NACC2: variants seen among roughly 807,000 people sequenced by gnomAD.
NACC2 encodes the protein NACC family member 2, also known as nucleus accumbens-associated protein 2.
In NACC2, 8 loss-of-function variants were observed where a neutral mutation model predicts 25.1. The ratio of observed to expected loss-of-function variants is 0.32; its 90% confidence interval spans 0.19 to 0.57. NACC2 has a LOEUF of 0.57. Ranked by LOEUF, NACC2 falls within the 20% of genes least tolerant of loss-of-function variation. The pLI is 0.89. For synonymous variants in NACC2, 435 were observed against 294.7 expected, an observed-to-expected ratio of 1.48 and a Z score of -4.88; for missense variants, 644 against 650.2, an observed-to-expected ratio of 0.99 and a Z score of 0.10.
In NACC2 at chr9:136,008,290, A is replaced by G. The variant is rs1157898367; in HGVS notation, c.*3226T>C. 6.6e-6 allele frequency: 1 copy of G among 152,120 alleles called. No individual in the cohort carries two copies. The highest frequency in any genetic ancestry group is 2.4e-5 in the African/African-American group (1 of 41,416). 9.4% of individuals were successfully genotyped at this position (152,120 alleles called of 1,614,324 possible). A position where few individuals can be genotyped will look rare whatever the true frequency, so the allele number is the denominator to read the frequency against. On this transcript the variant is annotated 3_prime_UTR_variant, in exon 6 of 6. Transcript: ENST00000277554. The stretch of plus-strand genomic sequence containing the variant: ...GGTCCCTCCTGGACCTCTCCATGCA[A>G]CCCAGCTGCCTCCTGGGCCCATCCC...
intron 1 of NACC2, among the ~76,000 whole-genome samples, chr9:136,051,291 ACCCAGGTT>A (rs1315429963): frequency 1.3e-5 from 2 of 152,004 alleles, no homozygotes; most frequent in African/African-American, 4.8e-5. Flanking sequence ...CTCGGACCAG[ACCCAGGTT>A]CCCAAGCCGC....
In NACC2 at chr9:136,093,781, G is replaced by A. The variant is rs552001007; in HGVS notation, c.-60+1408C>T. On this transcript the variant is annotated intron_variant, in intron 1 of 5. Transcript: ENST00000277554. The stretch of plus-strand genomic sequence containing the variant: ...CAGAGGACCAGAGGGGTGCTCCAAC[G>A]GTGGCCGGGAGAAGAAGGGGTGGGT... Among the ~76,000 whole-genome samples the A allele has an allele frequency of 9.2e-5, 14 of 152,134 alleles. No homozygotes were observed. The East Asian group carries it at 2.1e-3, about 23-fold the overall frequency.
Position 136,013,165 on chromosome 9 carries a change from G to GGCCCCCCCCCCC in NACC2, c.1255+33_1255+34insGGGGGGGGGGGC. ...AGGCTGGGATCTGAACCCAGCCCCG[G>GGCCCCCCCCCCC]CCCCACCCACCCGAGAGACCCCCAG... On this transcript the variant is annotated intron_variant, in intron 5 of 5. Transcript: ENST00000277554. The surrounding 1 kb of genome is among the most constrained non-coding windows in gnomAD (Gnocchi z 6.6). The GGCCCCCCCCCCC allele has an allele frequency of 1.4e-6, 1 of 706,964 alleles. No individual in the cohort carries two copies. The highest frequency in any genetic ancestry group is 3.0e-5 in the East Asian group (1 of 32,936). 43.8% of individuals were successfully genotyped at this position (706,964 alleles called of 1,614,324 possible). A position where few individuals can be genotyped will look rare whatever the true frequency, so the allele number is the denominator to read the frequency against.
intron 1 of NACC2, among the ~76,000 whole-genome samples, chr9:136,066,479 TATAATCAAAAAG>T (rs1327049492): frequency 1.3e-5 from 2 of 152,154 alleles, no homozygotes; most frequent in Non-Finnish European, 2.9e-5. Flanking sequence ...CTAGGATGGC[TATAATCAAAAAG>T]ACAGAAAACA....
intron 1 of NACC2, among the ~76,000 whole-genome samples, chr9:136,087,419 AC>A (rs1431603865): frequency 2.0e-5 from 3 of 151,970 alleles, no homozygotes; most frequent in African/African-American, 7.3e-5. Flanking sequence ...GCAAATAGAC[AC>A]CCTGCCCTCC....
At chr9:136,066,966 T>A (rs1181930899) in intron 1 of NACC2, among the ~76,000 whole-genome samples, 13 of 150,454 alleles carry the variant, frequency 8.6e-5, no homozygotes, top group Non-Finnish European at 1.6e-4. Context: ...AAAAAAAAGA[T>A]TTAGCTGGAC....
chr9:136,079,104 A>G (rs552306544), intron 1 of NACC2, among the ~76,000 whole-genome samples: 1 of 151,654 alleles, frequency 6.6e-6, no homozygotes, highest in Non-Finnish European at 1.5e-5. Context: ...AGGGCACGTA[A>G]CCTGAAATCT....
chr9:136,088,640 A>G (rs4842110), intron 1 of NACC2, among the ~76,000 whole-genome samples: 133,247 of 152,256 alleles, frequency 0.88, 59,516 homozygotes, highest in South Asian at 0.99. Context: ...CGATGGCCTC[A>G]TTGAGGCCCC....
rs1343658378 is a variant in NACC2 at position 136,051,147 on chromosome 9, A to G, written c.-59-567T>C. Among the ~76,000 whole-genome samples the G allele has an allele frequency of 1.3e-5, 2 of 152,234 alleles. 1 individual carries two copies. Among genetic ancestry groups the G allele is most frequent in the South Asian group, 4.1e-4 (2 of 4,832 alleles). ...CGGGGAAGGCGGGCCAGCGTCCCCT[A>G]GTCCCCCTGAGCCTCCCGGGCAGGT... On this transcript the variant is annotated intron_variant, in intron 1 of 5. Coordinates refer to ENST00000277554, the MANE Select transcript of NACC2 (RefSeq NM_144653.5).
chr9:136,044,180 C>T (rs979546862), intron 2 of NACC2, among the ~76,000 whole-genome samples: 92 of 152,166 alleles, frequency 6.0e-4, no homozygotes, highest in Non-Finnish European at 1.2e-3. Flanking sequence ...ATGGCCTAGA[C>T]GGGCCACACC....
intron 1 of NACC2, among the ~76,000 whole-genome samples, chr9:136,057,056 C>T (rs928661919): frequency 6.6e-6 from 1 of 152,170 alleles, no homozygotes; most frequent in Non-Finnish European, 1.5e-5. Flanking sequence ...GCCAGTACCT[C>T]GAGGGAGGGC....
intron 2 of NACC2, among the ~76,000 whole-genome samples, chr9:136,023,120 A>AG (rs1840323546): frequency 2.7e-5 from 1 of 37,394 alleles, no homozygotes. Flanking sequence ...AGGGAGGGGG[A>AG]GGAGGGAGGG....
At chr9:136,031,112 C>T (rs1397419437) in intron 2 of NACC2, among the ~76,000 whole-genome samples, 1 of 152,142 alleles carries the variant, frequency 6.6e-6, no homozygotes, top group Non-Finnish European at 1.5e-5. Flanking sequence ...GAACTCCAGA[C>T]CAAAATGACT....
chr9:136,031,487 G>A (rs1011695962), intron 2 of NACC2, among the ~76,000 whole-genome samples: 18 of 152,086 alleles, frequency 1.2e-4, no homozygotes, highest in Middle Eastern at 3.2e-3. Flanking sequence ...ACAGGTGTGC[G>A]CCACCACACC....
intron 1 of NACC2, among the ~76,000 whole-genome samples, chr9:136,051,357 C>G (rs950254844): frequency 6.6e-6 from 1 of 152,196 alleles, no homozygotes; most frequent in South Asian, 2.1e-4. Context: ...CTCGCGGACG[C>G]CCCCCACCCC....
At chr9:136,036,403 A>T (rs1476817773) in intron 2 of NACC2, among the ~76,000 whole-genome samples, 1 of 152,234 alleles carries the variant, frequency 6.6e-6, no homozygotes, top group East Asian at 1.9e-4. Context: ...TAAGGAGAAG[A>T]AAAATCAGTA....
At chr9:136,039,893 TC>T (rs1343296562) in intron 2 of NACC2, among the ~76,000 whole-genome samples, 2 of 151,416 alleles carry the variant, frequency 1.3e-5, no homozygotes, top group African/African-American at 4.9e-5. Context: ...GGAGTGGAGA[TC>T]CAGAAATACA....
At chr9:136,073,917 T>C (rs1259256136) in intron 1 of NACC2, among the ~76,000 whole-genome samples, 1 of 152,188 alleles carries the variant, frequency 6.6e-6, no homozygotes, top group African/African-American at 2.4e-5. Context: ...GCGGTGATCC[T>C]TCCCTCTGCC....
In NACC2 at chr9:136,006,666, T is replaced by G. The variant is rs1840016105; in HGVS notation, c.*4850A>C. 1 of 152,260 alleles carries G rather than the reference T, an allele frequency of 6.6e-6. No homozygotes were observed. Among genetic ancestry groups the G allele is most frequent in the African/African-American group, 2.4e-5 (1 of 41,474 alleles). 9.4% of individuals were successfully genotyped at this position (152,260 alleles called of 1,614,324 possible). On this transcript the variant is annotated 3_prime_UTR_variant, in exon 6 of 6. Transcript: ENST00000277554. ...ACGGCTCTGAGCACGCTTGAAGCCCTCGGTTTCCCTGTTCGCTTTTGAATG... is the reference window on the plus strand; with the variant it reads ...ACGGCTCTGAGCACGCTTGAAGCCCGCGGTTTCCCTGTTCGCTTTTGAATG...
Sources: allele counts gnomAD v4.1 joint callset (sites outside exome capture counted in the v4.1 genomes callset), GRCh38; gene constraint gnomAD v4.1.1; non-coding constraint Gnocchi (gnomAD v3.1); transcripts MANE v1.5; gene names NCBI Gene and HGNC (gene_info 2026-07-23, HGNC 2026-07-21).